MTHFD2L: variants seen among roughly 807,000 people sequenced by gnomAD.
MTHFD2L encodes bifunctional methylenetetrahydrofolate dehydrogenase/cyclohydrolase 2, mitochondrial.
A neutral mutation model predicts 34.9 loss-of-function variants in MTHFD2L; 29 were observed. The ratio of observed to expected loss-of-function variants is 0.83; its 90% CI spans 0.62 to 1.13. The LOEUF is 1.13. Ranked by LOEUF, MTHFD2L falls within the 50% of genes most tolerant of loss-of-function variation. The pLI is 0.00. For synonymous variants in MTHFD2L, 167 were observed against 155.7 expected (o/e 1.07, Z -0.54); for missense variants, 481 against 446.5 (o/e 1.08, Z -0.70).
At chr4:74,202,070 C>T (rs1004442553) in intron 5 of MTHFD2L, among the ~76,000 whole-genome samples, 5 of 152,218 alleles carry the variant, frequency 3.3e-5, no homozygotes, top group Non-Finnish European at 5.9e-5. Flanking sequence ...CTTTACCAGT[C>T]CAGCTGAGCA....
chr4:74,210,124 TC>T (rs1736047022), intron 5 of MTHFD2L, among the ~76,000 whole-genome samples: 1 of 152,226 alleles, frequency 6.6e-6, no homozygotes, highest in East Asian at 1.9e-4. Context: ...GCAAATTTTT[TC>T]TCCCATTCTG....
chr4:74,293,041 T>G (rs1352479852), intron 7 of MTHFD2L, among the ~76,000 whole-genome samples: 1 of 152,084 alleles, frequency 6.6e-6, no homozygotes, highest in African/African-American at 2.4e-5. Flanking sequence ...TATGGTTTTT[T>G]GAATAGGTTT....
At chr4:74,284,742 G>A (rs1451703112) in intron 7 of MTHFD2L, among the ~76,000 whole-genome samples, 1 of 151,984 alleles carries the variant, frequency 6.6e-6, no homozygotes, top group Non-Finnish European at 1.5e-5. Flanking sequence ...TTACACGGTG[G>A]GACTGTAAAC....
upstream of MTHFD2L, chr4:74,157,942 G>A (rs1325772097): frequency 6.9e-6 from 6 of 863,868 alleles, no homozygotes; most frequent in South Asian, 8.6e-5. Context: ...CGCCCCCTGC[G>A]GACCCGGCAC....
At chr4:74,223,568 A>G (rs1738608408) in intron 5 of MTHFD2L, among the ~76,000 whole-genome samples, 1 of 152,024 alleles carries the variant, frequency 6.6e-6, no homozygotes, top group African/African-American at 2.4e-5. Context: ...AACCCTCGTG[A>G]CATGAGCTTA....
At chr4:74,293,620 G>A in intron 7 of MTHFD2L, 1 of 620,736 alleles carries the variant, frequency 1.6e-6, no homozygotes, top group African/African-American at 2.0e-5. Context: ...TGCCTTCCAA[G>A]TTCAATGGCA....
intron 5 of MTHFD2L, among the ~76,000 whole-genome samples, chr4:74,205,579 C>T (rs1461330979): frequency 6.6e-6 from 1 of 152,002 alleles, no homozygotes; most frequent in African/African-American, 2.4e-5. Flanking sequence ...CTAGCTGTTT[C>T]TTGAGTATTT....
chr4:74,253,535 T>C (rs1743598753), intron 6 of MTHFD2L, among the ~76,000 whole-genome samples: 1 of 152,148 alleles, frequency 6.6e-6, no homozygotes, highest in Non-Finnish European at 1.5e-5. Flanking sequence ...TCCTGCTCTA[T>C]GGAAGAGGGA....
At chr4:74,144,624 G>A (rs998100042) in intron 1 of MTHFD2L, among the ~76,000 whole-genome samples, 34 of 152,074 alleles carry the variant, frequency 2.2e-4, no homozygotes, top group African/African-American at 8.0e-4. Flanking sequence ...ATCAAATCTG[G>A]AAAATACTTT....
chr4:74,229,092 G>T (rs1274957870), intron 6 of MTHFD2L, among the ~76,000 whole-genome samples: 1 of 152,188 alleles, frequency 6.6e-6, no homozygotes, highest in Non-Finnish European at 1.5e-5. Flanking sequence ...TAGTTCTGCA[G>T]TCTTCTTGAA....
At chr4:74,149,312 C>T (rs1723788054) in intron 1 of MTHFD2L, among the ~76,000 whole-genome samples, 1 of 151,848 alleles carries the variant, frequency 6.6e-6, no homozygotes, top group Non-Finnish European at 1.5e-5. Flanking sequence ...ACAGTGTTTT[C>T]TGTTTCCTCC....
chr4:74,181,207 G>C (rs1240957732), intron 3 of MTHFD2L, among the ~76,000 whole-genome samples: 1 of 152,096 alleles, frequency 6.6e-6, no homozygotes, highest in Non-Finnish European at 1.5e-5. Context: ...TATATGAACT[G>C]TGTGAAAACA....
At chr4:74,155,788 G>A (rs181928875), upstream of MTHFD2L, among the ~76,000 whole-genome samples, 4 of 151,780 alleles carry the variant, frequency 2.6e-5, no homozygotes, top group East Asian at 3.9e-4. Flanking sequence ...TGCAACAGGA[G>A]TAAAGAATAT....
intron 3 of MTHFD2L, among the ~76,000 whole-genome samples, chr4:74,184,579 T>A (rs1430700691): frequency 6.6e-6 from 1 of 152,160 alleles, no homozygotes; most frequent in East Asian, 1.9e-4. Context: ...ATAGCCATGT[T>A]TCAAAACTTC....
chr4:74,274,975 G>T (rs1243779911), intron 6 of MTHFD2L, among the ~76,000 whole-genome samples: 2 of 152,076 alleles, frequency 1.3e-5, no homozygotes, highest in South Asian at 2.1e-4. Context: ...TAAGTTCCAG[G>T]ATACATGTGC....
intron 4 of MTHFD2L, among the ~76,000 whole-genome samples, chr4:74,200,225 T>G (rs1017002497): frequency 1.3e-5 from 2 of 151,972 alleles, no homozygotes; most frequent in Admixed American, 1.3e-4. Context: ...GGAAGGAGAA[T>G]GGCATGAACC....
At chr4:74,185,086 A>C (rs1371647040) in intron 3 of MTHFD2L, among the ~76,000 whole-genome samples, 1 of 139,106 alleles carries the variant, frequency 7.2e-6, no homozygotes, top group African/African-American at 2.7e-5. Context: ...TGGGAGGCGG[A>C]GCTTGCAGTG....
chr4:74,264,016 TA>T (rs898478689), intron 6 of MTHFD2L, among the ~76,000 whole-genome samples: 2 of 151,604 alleles, frequency 1.3e-5, no homozygotes, highest in African/African-American at 4.8e-5. Flanking sequence ...CCATTCCTGA[TA>T]AAAAAAAATT....
chr4:74,129,105 C>T (rs1722284988), intron 1 of MTHFD2L, among the ~76,000 whole-genome samples: 1 of 151,962 alleles, frequency 6.6e-6, no homozygotes, highest in Admixed American at 6.6e-5. Context: ...TTACAATAAA[C>T]ATCTTTTAAA....
Sources: allele counts gnomAD v4.1 joint callset (sites outside exome capture counted in the v4.1 genomes callset), GRCh38; gene constraint gnomAD v4.1.1; transcripts MANE v1.5; gene names NCBI Gene and HGNC (gene_info 2026-07-23, HGNC 2026-07-21).